CTNNA2: variants seen among roughly 807,000 people sequenced by gnomAD.
CTNNA2 encodes catenin alpha 2.
Under a neutral mutation model 101.0 loss-of-function variants are expected in CTNNA2, and 42 were observed. That is an observed-to-expected ratio of 0.42 (90% confidence interval 0.32 to 0.54). The LOEUF is 0.54. Among genes scored for constraint, CTNNA2 ranks in the 20% least tolerant of loss-of-function variants. The pLI is 0.14. For missense variants in CTNNA2, 871 were observed against 1,223.1 expected, an observed-to-expected ratio of 0.71 and a Z score of 4.29; for synonymous variants, 450 against 456.4, an observed-to-expected ratio of 0.99 and a Z score of 0.18.
chr2:79,432,628 A>AAG (rs1678670215), intron 4 of CTNNA2, among the ~76,000 whole-genome samples: 2 of 152,140 alleles, frequency 1.3e-5, no homozygotes, highest in Admixed American at 6.5e-5. Context: ...ACAAGGGTAA[A>AAG]ATCTGGGAAA....
At chr2:79,382,787 A>G (rs970496264) in intron 4 of CTNNA2, among the ~76,000 whole-genome samples, 4 of 151,822 alleles carry the variant, frequency 2.6e-5, no homozygotes, top group Admixed American at 6.6e-5. Context: ...CTAATTTTTC[A>G]TATTTTTTAA....
chr2:79,558,209 G>A (rs1020390029), intron 1 of CTNNA2, among the ~76,000 whole-genome samples: 1 of 151,902 alleles, frequency 6.6e-6, no homozygotes, highest in Non-Finnish European at 1.5e-5. Flanking sequence ...GTGTTCTTAA[G>A]TCAACACTGA....
intron 7 of CTNNA2, among the ~76,000 whole-genome samples, chr2:79,979,802 A>G (rs1691128194): frequency 6.6e-6 from 1 of 152,158 alleles, no homozygotes; most frequent in Non-Finnish European, 1.5e-5. Flanking sequence ...CAGACCGCAT[A>G]TTTAAATATC....
At chr2:79,615,233 G>A (rs186414276) in intron 1 of CTNNA2, among the ~76,000 whole-genome samples, 106 of 151,088 alleles carry the variant, frequency 7.0e-4, no homozygotes, top group African/African-American at 2.4e-3. Flanking sequence ...AGTGTGATCT[G>A]AAAACAAATT....
chr2:79,670,710 C>G (rs1168989798), intron 2 of CTNNA2, among the ~76,000 whole-genome samples: 1 of 152,154 alleles, frequency 6.6e-6, no homozygotes, highest in Non-Finnish European at 1.5e-5. Context: ...AATATATCAT[C>G]ACAGTGGTTC....
intron 2 of CTNNA2, among the ~76,000 whole-genome samples, chr2:79,716,297 C>G (rs1686097987): frequency 6.6e-6 from 1 of 152,108 alleles, no homozygotes; most frequent in African/African-American, 2.4e-5. Flanking sequence ...CTTTTAAGTT[C>G]AGGGGTACAC....
chr2:80,204,938 G>T (rs1023308678), intron 7 of CTNNA2, among the ~76,000 whole-genome samples: 2 of 152,170 alleles, frequency 1.3e-5, no homozygotes, highest in Non-Finnish European at 2.9e-5. Context: ...TGTCAGCAGG[G>T]AAAGAGAGCT....
intron 7 of CTNNA2, among the ~76,000 whole-genome samples, chr2:80,292,285 A>G (rs998933321): frequency 2.6e-5 from 4 of 152,116 alleles, no homozygotes; most frequent in Non-Finnish European, 5.9e-5. Context: ...CCCTATGTCC[A>G]TTTTATAGAT....
At chr2:80,113,194 T>C (rs762227620) in intron 7 of CTNNA2, among the ~76,000 whole-genome samples, 1 of 152,182 alleles carries the variant, frequency 6.6e-6, no homozygotes, top group Non-Finnish European at 1.5e-5. Context: ...TCTGGAGATG[T>C]AGGCTTTTGG....
intron 7 of CTNNA2, among the ~76,000 whole-genome samples, chr2:80,072,215 T>C (rs1234636433): frequency 6.6e-6 from 1 of 152,182 alleles, no homozygotes; most frequent in East Asian, 1.9e-4. Context: ...GTTTTCCAAT[T>C]TGGGCTACTC....
At chr2:79,532,937 G>C (rs1207188066) in intron 1 of CTNNA2, among the ~76,000 whole-genome samples, 1 of 151,988 alleles carries the variant, frequency 6.6e-6, no homozygotes, top group Non-Finnish European at 1.5e-5. Context: ...ATTCCAAAAA[G>C]ACATTATCAT....
intron 3 of CTNNA2, among the ~76,000 whole-genome samples, chr2:79,793,279 T>C (rs554217961): frequency 1.3e-5 from 2 of 152,328 alleles, no homozygotes; most frequent in East Asian, 3.9e-4. Flanking sequence ...CCTTTATTAC[T>C]CACAGCGCAG....
chr2:79,927,268 G>A (rs866046868), intron 7 of CTNNA2, among the ~76,000 whole-genome samples: 4 of 152,102 alleles, frequency 2.6e-5, no homozygotes, highest in African/African-American at 9.7e-5. Flanking sequence ...ATTTGTTTTG[G>A]TTGGGCTTGG....
intron 7 of CTNNA2, among the ~76,000 whole-genome samples, chr2:80,138,430 A>G (rs1702816054): frequency 6.6e-6 from 1 of 152,172 alleles, no homozygotes; most frequent in African/African-American, 2.4e-5. Context: ...CTGCCTCATC[A>G]AATTGTTATG....
rs536074467 is a variant in CTNNA2, at chr2:80,231,003, G to T, written c.1057-162208G>T. ...TTTTGTTTTTATGGGCCAGAATCTC[G>T]CTCTGTCGTCCAGGCTGGAGTGCAG... On this transcript the variant is annotated intron_variant, in intron 7 of 18. Transcript: ENST00000402739. Among the ~76,000 whole-genome samples, 3 of 148,892 alleles carry T rather than the reference G, an allele frequency of 2.0e-5. No individual in the cohort carries two copies. The East Asian group carries it at 5.9e-4, about 29-fold the overall frequency.
intron 7 of CTNNA2, among the ~76,000 whole-genome samples, chr2:80,309,618 G>A (rs1677348390): frequency 6.6e-6 from 1 of 152,082 alleles, no homozygotes; most frequent in Non-Finnish European, 1.5e-5. Context: ...GAGGATACTT[G>A]GGGTAATTAA....
intron 17 of CTNNA2, 63 bp from the exon 18 acceptor site, chr2:80,619,022 C>CTTTTT (rs56987036): frequency 9.0e-6 from 8 of 889,222 alleles, no homozygotes; most frequent in African/African-American, 3.6e-5. Flanking sequence ...AAGTAGGGTA[C>CTTTTT]TTTTTTTTTT....
At chr2:79,702,652 T>G (rs1417542539) in intron 2 of CTNNA2, among the ~76,000 whole-genome samples, 1 of 152,226 alleles carries the variant, frequency 6.6e-6, no homozygotes, top group Non-Finnish European at 1.5e-5. Flanking sequence ...TCATATTTTC[T>G]TGTACTAGGT....
intron 7 of CTNNA2, among the ~76,000 whole-genome samples, chr2:80,368,785 A>G (rs1387214787): frequency 6.7e-6 from 1 of 150,116 alleles, no homozygotes; most frequent in African/African-American, 2.5e-5. Context: ...AAAAAAAAAA[A>G]GAAAAGAAAA....
Sources: allele counts gnomAD v4.1 joint callset (sites outside exome capture counted in the v4.1 genomes callset), GRCh38; gene constraint gnomAD v4.1.1; transcripts MANE v1.5; gene names NCBI Gene and HGNC (gene_info 2026-07-23, HGNC 2026-07-21).